Variants in EYS observed in about 807,000 individuals in gnomAD.
EYS encodes EGF-like photoreceptor maintenance factor.
Under a neutral mutation model 282.1 loss-of-function variants are expected in EYS, and 250 were observed. The ratio of observed to expected loss-of-function variants is 0.89; its 90% confidence interval spans 0.80 to 0.98. The LOEUF (loss-of-function observed/expected upper bound fraction) is 0.98, where lower values mean the gene tolerates loss of function less well. EYS is among the 50% of genes least tolerant of loss of function. The pLI is 0.00. For synonymous variants in EYS, 1,355 were observed against 1,282.9 expected (o/e 1.06, Z -1.20); for missense variants, 4,016 against 3,709.0 (o/e 1.08, Z -2.15).
intron 29 of EYS, among the ~76,000 whole-genome samples, chr6:64,371,319 G>A (rs1394855013): frequency 1.1e-5 from 1 of 89,918 alleles, no homozygotes; most frequent in African/African-American, 4.2e-5. Context: ...GTAATTTTAT[G>A]GTTGGTTTTT....
intron 29 of EYS, among the ~76,000 whole-genome samples, chr6:64,359,553 T>C (rs1171649454): frequency 2.0e-5 from 3 of 151,730 alleles, no homozygotes; most frequent in African/African-American, 7.2e-5. Flanking sequence ...CTTCGGCATC[T>C]GTAACAAAGG....
intron 35 of EYS, among the ~76,000 whole-genome samples, chr6:63,950,692 G>A (rs1765556716): frequency 6.6e-6 from 1 of 152,046 alleles, no homozygotes; most frequent in African/African-American, 2.4e-5. Context: ...ACGACCTCTG[G>A]TCCTCAGACC....
At chr6:63,873,464 C>T (rs879217289) in intron 35 of EYS, among the ~76,000 whole-genome samples, 5 of 152,118 alleles carry the variant, frequency 3.3e-5, no homozygotes, top group Non-Finnish European at 5.9e-5. Context: ...AATAAACATA[C>T]ATGTGCATGT....
chr6:64,864,164 G>T (rs553803287), intron 19 of EYS, among the ~76,000 whole-genome samples: 1 of 151,884 alleles, frequency 6.6e-6, no homozygotes, highest in Non-Finnish European at 1.5e-5. Flanking sequence ...CAAAAGTCTG[G>T]TTACTAATCA....
intron 2 of EYS, among the ~76,000 whole-genome samples, chr6:65,528,518 T>C (rs1414229653): frequency 2.0e-5 from 3 of 152,204 alleles, no homozygotes; most frequent in Admixed American, 6.5e-5. Flanking sequence ...CTGAGAGGAA[T>C]GGGTTCCTTT....
intron 26 of EYS, among the ~76,000 whole-genome samples, chr6:64,463,599 A>C (rs1479784277): frequency 6.6e-6 from 1 of 152,190 alleles, no homozygotes; most frequent in Non-Finnish European, 1.5e-5. Flanking sequence ...GGGAAAAGTG[A>C]AAATAATGCA....
At position 65,622,317 on chromosome 6, in the gene EYS, A is replaced by G. The variant is rs550537402; in HGVS notation, c.-333+17461T>C. 1.3e-3 allele frequency among the ~76,000 whole-genome samples: 195 copies of G among 152,338 alleles called. 1 individual carries two copies. Among genetic ancestry groups the G allele is most frequent in the African/African-American group, 4.5e-3 (187 of 41,580 alleles). On this transcript the variant is annotated intron_variant, in intron 2 of 42. Transcript: ENST00000503581. ...ACAGTTGCTCTGTATCAGGTTAGCC[A>G]TAAGTTAGAGCACCAACTTAAATTA...
In EYS at chr6:65,526,988, G is replaced by T. The variant is rs771114063; in HGVS notation, c.-332-30995C>A. Among the ~76,000 whole-genome samples, 6 of 152,122 alleles carry T rather than the reference G, an allele frequency of 3.9e-5. 1 individual carries two copies. The highest frequency in any genetic ancestry group is 1.4e-4 in the African/African-American group (6 of 41,442). On this transcript the variant is annotated intron_variant, in intron 2 of 42. Coordinates refer to ENST00000503581, the MANE Select transcript of EYS (RefSeq NM_001142800.2). ...ACAGGAGTGTGTGGAGTTTTGGGTA[G>T]CCCAAAGGGATGAGTCCCTAGGTTT...
At chr6:65,171,165 A>T (rs1220711650) in intron 12 of EYS, among the ~76,000 whole-genome samples, 1 of 151,584 alleles carries the variant, frequency 6.6e-6, no homozygotes, top group African/African-American at 2.4e-5. Context: ...GCATGTATAG[A>T]ATTAGCAATC....
chr6:64,378,818 T>C (rs1198260261), intron 29 of EYS, among the ~76,000 whole-genome samples: 5 of 152,172 alleles, frequency 3.3e-5, no homozygotes, highest in Non-Finnish European at 7.4e-5. Flanking sequence ...GTGATATTAC[T>C]GGCTTCATAA....
At chr6:65,480,521 T>C (rs1189914225) in intron 5 of EYS, among the ~76,000 whole-genome samples, 2 of 152,132 alleles carry the variant, frequency 1.3e-5, no homozygotes, top group African/African-American at 4.8e-5. Context: ...TTTCCTCAAA[T>C]GGTAAAATAG....
intron 31 of EYS, among the ~76,000 whole-genome samples, chr6:64,188,817 T>C (rs555246324): frequency 6.6e-6 from 1 of 152,294 alleles, no homozygotes; most frequent in African/African-American, 2.4e-5. Flanking sequence ...AAGCTAGTGT[T>C]GAGGATTAGT....
At chr6:65,652,438 T>TC (rs1276305744) in intron 1 of EYS, among the ~76,000 whole-genome samples, 15 of 151,826 alleles carry the variant, frequency 9.9e-5, no homozygotes, top group Non-Finnish European at 1.5e-4. Context: ...AAAGAAAATA[T>TC]CCCAGAGAAG....
At chr6:64,829,506 T>C (rs916033744) in intron 19 of EYS, among the ~76,000 whole-genome samples, 1 of 152,010 alleles carries the variant, frequency 6.6e-6, no homozygotes, top group African/African-American at 2.4e-5. Context: ...GCTTATGTAG[T>C]GTTGATCCAT....
At chr6:64,313,952 G>GC (rs1289460028) in intron 29 of EYS, among the ~76,000 whole-genome samples, 2 of 152,014 alleles carry the variant, frequency 1.3e-5, no homozygotes, top group Non-Finnish European at 2.9e-5. Context: ...TGAAGAAACT[G>GC]CATCAACTAA....
chr6:63,830,932 A>T (rs1056071849), intron 36 of EYS, among the ~76,000 whole-genome samples: 1 of 152,184 alleles, frequency 6.6e-6, no homozygotes, highest in African/African-American at 2.4e-5. Flanking sequence ...AAAGAAAAGG[A>T]TTTTCAACCC....
At position 64,157,490 on chromosome 6, in the gene EYS, A is replaced by G. The variant is rs139877895; in HGVS notation, c.6424+73102T>C. ...ACAATGGGGAAAATGTCTCCAGGGC[A>G]TGCCAGAAGTCTTCACTACAGCCCC... On this transcript the variant is annotated intron_variant, in intron 31 of 42. Transcript: ENST00000503581. Among the ~76,000 whole-genome samples, 802 of 152,318 alleles carry G rather than the reference A, an allele frequency of 5.3e-3. 4 individuals are homozygous for G. The highest frequency in any genetic ancestry group is 0.017 in the African/African-American group (713 of 41,580).
At chr6:65,611,948 T>C (rs1181298402) in intron 2 of EYS, among the ~76,000 whole-genome samples, 1 of 152,000 alleles carries the variant, frequency 6.6e-6, no homozygotes, top group Non-Finnish European at 1.5e-5. Context: ...GCTTTAAACT[T>C]GTCACATTTC....
intron 13 of EYS, among the ~76,000 whole-genome samples, chr6:65,051,962 T>G (rs553713597): frequency 6.6e-6 from 1 of 151,662 alleles, no homozygotes; most frequent in African/African-American, 2.4e-5. Flanking sequence ...TGCACTTTGC[T>G]TCTTTAAATA....
Sources: gnomAD v4.1 joint callset for allele counts (sites outside exome capture counted in the v4.1 genomes callset) on GRCh38, gnomAD v4.1.1 for gene constraint, MANE v1.5 for transcripts, NCBI Gene and HGNC (gene_info 2026-07-23, HGNC 2026-07-21) for gene names.